MERTK: variants seen among roughly 807,000 people sequenced by gnomAD.
MERTK encodes tyrosine-protein kinase Mer.
Under a neutral mutation model 99.3 loss-of-function variants are expected in MERTK, and 69 were observed. The ratio of observed to expected loss-of-function variants is 0.70; its 90% CI spans 0.57 to 0.85. MERTK has a LOEUF of 0.85. MERTK is among the 40% of genes least tolerant of loss of function. The pLI is 0.00. For synonymous variants in MERTK, 426 were observed against 467.6 expected (o/e 0.91, Z 1.15); for missense variants, 1,125 against 1,249.4 (o/e 0.90, Z 1.50).
intron 13 of MERTK, among the ~76,000 whole-genome samples, chr2:112,004,694 A>C (rs757739932): frequency 6.6e-6 from 1 of 152,060 alleles, no homozygotes; most frequent in Non-Finnish European, 1.5e-5. Flanking sequence ...GGCAGATCAC[A>C]AGGTCAGGAG....
At position 111,947,655 on chromosome 2, in the gene MERTK, G is replaced by A. The variant is rs1326461959; in HGVS notation, c.757+88G>A. 4.8e-6 allele frequency: 7 copies of A among 1,458,288 alleles called. 1 individual carries two copies. In the Admixed American group the frequency reaches 1.2e-4, roughly 25 times the overall value. 90.3% of individuals were successfully genotyped at this position (1,458,288 alleles called of 1,614,324 possible). On this transcript the variant is annotated intron_variant, in intron 4 of 18. Coordinates refer to ENST00000295408, the MANE Select transcript of MERTK (RefSeq NM_006343.3). ...CGACCCTTGCTGTGCACCACTAGCAGGCAGTGGAGACAGATGAAAATACAG... is the reference window on the plus strand; with the variant it reads ...CGACCCTTGCTGTGCACCACTAGCAAGCAGTGGAGACAGATGAAAATACAG...
intron 2 of MERTK, among the ~76,000 whole-genome samples, chr2:111,939,931 A>T (rs1422141776): frequency 6.6e-6 from 1 of 152,038 alleles, no homozygotes; most frequent in East Asian, 1.9e-4. Context: ...CAGTACTGAT[A>T]TTCATTTATT....
At chr2:112,008,090 C>G (rs902624145) in intron 13 of MERTK, among the ~76,000 whole-genome samples, 2 of 152,138 alleles carry the variant, frequency 1.3e-5, no homozygotes, top group Non-Finnish European at 2.9e-5. Flanking sequence ...AGGGTTCACT[C>G]TTGGTGTTAT....
chr2:111,992,399 C>A lies in MERTK; in HGVS notation c.1297-1852C>A, dbSNP rs539534301. 1.2e-4 allele frequency among the ~76,000 whole-genome samples: 18 copies of A among 152,152 alleles called. 1 individual carries two copies. Among genetic ancestry groups the A allele is most frequent in the African/African-American group, 4.3e-4 (18 of 41,522 alleles). On this transcript the variant is annotated intron_variant, in intron 8 of 18. Coordinates refer to ENST00000295408, the MANE Select transcript of MERTK (RefSeq NM_006343.3). ...CAGGGCGGGCATGAAAGCTCTGCACCCCTTCCCATGTGCCTTGCCCTGTAT... is the reference window on the plus strand; with the variant it reads ...CAGGGCGGGCATGAAAGCTCTGCACACCTTCCCATGTGCCTTGCCCTGTAT...
chr2:111,929,196 C>T lies in MERTK; in HGVS notation c.138C>T (p.Asp46=), dbSNP rs527694612. The T allele has an allele frequency of 1.2e-6, 2 of 1,614,212 alleles. No homozygotes were observed. The highest frequency in any genetic ancestry group is 1.7e-6 in the Non-Finnish European group (2 of 1,180,040). Residue 46 remains aspartate (D), a synonymous_variant, in exon 2 of 19, where the codon GAC becomes GAT. Coordinates refer to ENST00000295408, the MANE Select transcript of MERTK (RefSeq NM_006343.3). Reference sequence around the variant, plus strand: ...CTTTTCCAGGGAGCCTGCAAACTGACCACACACCGCTGTTATCCCTTCCTC... The same window carrying T: ...CTTTTCCAGGGAGCCTGCAAACTGATCACACACCGCTGTTATCCCTTCCTC... The part of the protein sequence containing the change: ...PGPFPGSLQT[D]HTPLLSLPHA...
chr2:111,913,710 C>T (rs1434241826), intron 1 of MERTK, among the ~76,000 whole-genome samples: 1 of 152,016 alleles, frequency 6.6e-6, no homozygotes, highest in Non-Finnish European at 1.5e-5. Context: ...CCATGCCTGG[C>T]TAATTTTTTT....
chr2:111,957,730 T>C (rs764112064), intron 4 of MERTK, among the ~76,000 whole-genome samples: 21 of 152,182 alleles, frequency 1.4e-4, no homozygotes, highest in African/African-American at 2.2e-4. Flanking sequence ...GTCAAGTCGA[T>C]GAAAGCAGAG....
chr2:111,912,435 G>A (rs943438029), intron 1 of MERTK, among the ~76,000 whole-genome samples: 26 of 152,126 alleles, frequency 1.7e-4, no homozygotes, highest in African/African-American at 5.8e-4. Flanking sequence ...TTTTAAGTGT[G>A]GAGTCTGATG....
Position 111,940,681 on chromosome 2 carries a change from G to A in MERTK, c.483-4279G>A, listed in dbSNP as rs147183697. On this transcript the variant is annotated intron_variant, in intron 2 of 18. Transcript: ENST00000295408. Reference sequence around the variant, plus strand: ...ATTATTTACGTCCAAATTTATCAATGGTTCTGCATTTTTAGTTGCATTGTC... The same window carrying A: ...ATTATTTACGTCCAAATTTATCAATAGTTCTGCATTTTTAGTTGCATTGTC... 665 of 743,890 alleles carry A rather than the reference G, an allele frequency of 8.9e-4. 9 individuals are homozygous for A. In the African/African-American group the frequency reaches 0.01, roughly 12 times the overall value. The allele number at this position is 743,890 out of a possible 1,614,324, so 46.1% of individuals were successfully genotyped here.
At chr2:112,013,487 C>T (rs1365687551) in intron 15 of MERTK, 1 of 154,414 alleles carries the variant, frequency 6.5e-6, no homozygotes, top group African/African-American at 2.4e-5. Flanking sequence ...CACGTCACTA[C>T]ATACACACTT....
intron 15 of MERTK, among the ~76,000 whole-genome samples, chr2:112,013,891 G>C (rs553626771): frequency 6.6e-6 from 1 of 152,084 alleles, no homozygotes; most frequent in Non-Finnish European, 1.5e-5. Flanking sequence ...TTTCACTCTT[G>C]TTGTCCAGGC....
At chr2:111,965,794 G>C (rs1026180451) in intron 5 of MERTK, among the ~76,000 whole-genome samples, 43 of 152,110 alleles carry the variant, frequency 2.8e-4, no homozygotes, top group Non-Finnish European at 5.6e-4. Context: ...GCAAGAAGCA[G>C]ATCACTCTTT....
At chr2:111,992,838 TA>T (rs752087940) in intron 8 of MERTK, among the ~76,000 whole-genome samples, 19 of 152,084 alleles carry the variant, frequency 1.2e-4, no homozygotes, top group Admixed American at 5.9e-4. Flanking sequence ...TCTAGCAAAT[TA>T]AACAAACTCA....
At chr2:111,944,895 T>C in intron 2 of MERTK, 65 bp from the exon 3 acceptor site, 1 of 1,343,826 alleles carries the variant, frequency 7.4e-7, no homozygotes, top group Non-Finnish European at 1.1e-6. Flanking sequence ...TGAAGAAGTT[T>C]CCATCCTATA....
At position 111,932,220 on chromosome 2, in the gene MERTK, C is replaced by T. The variant is rs563564741; in HGVS notation, c.482+2680C>T. 3.3e-5 allele frequency among the ~76,000 whole-genome samples: 5 copies of T among 152,224 alleles called. No individual in the cohort carries two copies. The South Asian group carries it at 1.0e-3, about 32-fold the overall frequency. On this transcript the variant is annotated intron_variant, in intron 2 of 18. Coordinates refer to ENST00000295408, the MANE Select transcript of MERTK (RefSeq NM_006343.3). ...TTTTTGAGACGGAGTCTTGCTCTGT[C>T]GCCCAGGCTGGAGTGCAGTGGCGCG...
chr2:111,965,396 G>A (rs991480155), intron 5 of MERTK, 119 bp downstream of exon 5: 4 of 959,934 alleles, frequency 4.2e-6, no homozygotes, highest in Non-Finnish European at 6.6e-6. Context: ...AAGGTTCTTT[G>A]TGACCTTGGA....
At chr2:112,003,831 C>T in intron 12 of MERTK, 73 bp from the exon 13 acceptor site, 1 of 1,338,708 alleles carries the variant, frequency 7.5e-7, no homozygotes, top group Non-Finnish European at 1.1e-6. Flanking sequence ...ACCAGCAGCT[C>T]TGGCACTGTA....
At chr2:111,934,843 G>T (rs1684736579) in intron 2 of MERTK, among the ~76,000 whole-genome samples, 1 of 152,154 alleles carries the variant, frequency 6.6e-6, no homozygotes, top group South Asian at 2.1e-4. Flanking sequence ...GAGTTTATAT[G>T]ATTTCAGGTC....
intron 8 of MERTK, among the ~76,000 whole-genome samples, chr2:111,987,215 T>C (rs1011658787): frequency 6.6e-6 from 1 of 152,234 alleles, no homozygotes; most frequent in South Asian, 2.1e-4. Context: ...CAGAACTTTC[T>C]TGGCAGTCGT....
Sources: gnomAD v4.1 joint callset for allele counts (sites outside exome capture counted in the v4.1 genomes callset) on GRCh38, gnomAD v4.1.1 for gene constraint, MANE v1.5 for transcripts, NCBI Gene and HGNC (gene_info 2026-07-23, HGNC 2026-07-21) for gene names.